The following NDST4 variants were observed in gnomAD, a reference collection of about 807,000 sequenced individuals.
NDST4 encodes N-deacetylase and N-sulfotransferase 4.
NDST4 carries 63 observed loss-of-function variants against 100.8 expected under a neutral mutation model. That is an observed-to-expected ratio of 0.62 (90% CI 0.51 to 0.77). NDST4 has a LOEUF of 0.77. NDST4 is among the 30% of genes least tolerant of loss of function. The pLI is 0.00. For synonymous variants in NDST4, 377 were observed against 361.8 expected (o/e 1.04, Z -0.48); for missense variants, 943 against 1,018.4 (o/e 0.93, Z 1.01).
chr4:115,018,204 G>A (rs895268448), intron 2 of NDST4, among the ~76,000 whole-genome samples: 6 of 151,812 alleles, frequency 4.0e-5, no homozygotes, highest in African/African-American at 1.4e-4. Flanking sequence ...GAAAGCCATT[G>A]AGAACAAAAA....
chr4:114,948,178 G>T (rs1325953011), intron 4 of NDST4, among the ~76,000 whole-genome samples: 1 of 151,866 alleles, frequency 6.6e-6, no homozygotes, highest in Non-Finnish European at 1.5e-5. Context: ...CCCTTACGAG[G>T]CATTTTCCCA....
chr4:114,934,948 C>T (rs929833656), intron 6 of NDST4: 1 of 184,112 alleles, frequency 5.4e-6, no homozygotes, highest in Non-Finnish European at 1.1e-5. Context: ...AACATTGCTA[C>T]TTCTTTACTG....
At chr4:115,010,080 T>C (rs1304436611) in intron 2 of NDST4, among the ~76,000 whole-genome samples, 1 of 120,832 alleles carries the variant, frequency 8.3e-6, no homozygotes, top group Non-Finnish European at 1.7e-5. Context: ...ACTTTTACAC[T>C]GTTGGTGGGA....
In NDST4 at chr4:115,076,039, T is replaced by C. The variant is rs745841913; in HGVS notation, c.978+20A>G. 1.3e-6 allele frequency: 2 copies of C among 1,573,816 alleles called. No individual in the cohort carries two copies. Among genetic ancestry groups the C allele is most frequent in the Non-Finnish European group, 1.7e-6 (2 of 1,162,590 alleles). ...ATATTGTGAAATACAAATTTCGATG[T>C]TGTCTATAAATAAGCTTACCTTCAC... On this transcript the variant is annotated intron_variant, in intron 2 of 13. Coordinates refer to ENST00000264363, the MANE Select transcript of NDST4 (RefSeq NM_022569.3).
intron 2 of NDST4, among the ~76,000 whole-genome samples, chr4:115,017,139 C>T (rs2126263178): frequency 6.6e-6 from 1 of 151,966 alleles, no homozygotes; most frequent in Admixed American, 6.6e-5. Context: ...GTTTCAATTA[C>T]AACTAAGTCA....
Position 114,966,921 on chromosome 4 carries a change from T to C in NDST4, c.1221+3509A>G, listed in dbSNP as rs1336741365. Among the ~76,000 whole-genome samples, 9 of 152,206 alleles carry C rather than the reference T, an allele frequency of 5.9e-5. No individual in the cohort carries two copies. The East Asian group carries it at 1.7e-3, about 29-fold the overall frequency. The stretch of plus-strand genomic sequence containing the variant: ...GTTTAGAGAATGAAAGAGCAAGTCA[T>C]TACTATTTCGAGAGAGGAAAGTGAG... On this transcript the variant is annotated intron_variant, in intron 4 of 13. Coordinates refer to ENST00000264363, the MANE Select transcript of NDST4 (RefSeq NM_022569.3).
At chr4:114,984,092 A>G (rs1412064910) in intron 2 of NDST4, among the ~76,000 whole-genome samples, 1 of 152,022 alleles carries the variant, frequency 6.6e-6, no homozygotes, top group Non-Finnish European at 1.5e-5. Context: ...CTTTCTTTCT[A>G]CATTATTGAG....
At chr4:114,980,076 A>G (rs1268765183) in intron 2 of NDST4, among the ~76,000 whole-genome samples, 1 of 152,178 alleles carries the variant, frequency 6.6e-6, no homozygotes, top group Non-Finnish European at 1.5e-5. Flanking sequence ...AAGTAGAAAG[A>G]TGAAAGAATT....
At chr4:114,904,961 G>A (rs759443387) in intron 6 of NDST4, among the ~76,000 whole-genome samples, 7 of 151,840 alleles carry the variant, frequency 4.6e-5, no homozygotes, top group Non-Finnish European at 1.5e-5. Context: ...GGATTATTGA[G>A]TTAAAAATTT....
At chr4:115,110,788 C>T (rs1354039010) in intron 1 of NDST4, among the ~76,000 whole-genome samples, 1 of 151,826 alleles carries the variant, frequency 6.6e-6, no homozygotes, top group African/African-American at 2.4e-5. Context: ...AAATTTAATT[C>T]TACTTAGAAA....
At chr4:114,844,545 T>C (rs1031293357) in intron 10 of NDST4, among the ~76,000 whole-genome samples, 5 of 152,248 alleles carry the variant, frequency 3.3e-5, no homozygotes, top group South Asian at 2.1e-4. Context: ...AGGGAATATC[T>C]ACTTGTCCTT....
chr4:115,086,647 G>C (rs13104877), intron 1 of NDST4, among the ~76,000 whole-genome samples: 2 of 151,720 alleles, frequency 1.3e-5, no homozygotes, highest in Non-Finnish European at 1.5e-5. Context: ...AGATTATGAA[G>C]TCAACTCAGT....
chr4:114,882,987 A>G (rs1332954001), intron 6 of NDST4, among the ~76,000 whole-genome samples: 4 of 152,082 alleles, frequency 2.6e-5, no homozygotes, highest in Admixed American at 2.0e-4. Context: ...CTGGGATTCT[A>G]TATCCAACAA....
chr4:115,047,331 A>G (rs1175432121), intron 2 of NDST4, among the ~76,000 whole-genome samples: 2 of 152,094 alleles, frequency 1.3e-5, no homozygotes, highest in Non-Finnish European at 2.9e-5. Flanking sequence ...TTTTTACAAT[A>G]TTGTTGATAA....
intron 2 of NDST4, among the ~76,000 whole-genome samples, chr4:114,986,756 T>C (rs1726910558): frequency 7.0e-6 from 1 of 143,806 alleles, no homozygotes; most frequent in Admixed American, 7.0e-5. Context: ...CATTTTTGTT[T>C]ATAATTTAGT....
At chr4:115,055,889 C>T (rs1344223717) in intron 2 of NDST4, among the ~76,000 whole-genome samples, 34 of 152,220 alleles carry the variant, frequency 2.2e-4, no homozygotes, top group South Asian at 8.3e-4. Context: ...ATGTTACTCA[C>T]AGTGTGGGCA....
intron 6 of NDST4, among the ~76,000 whole-genome samples, chr4:114,911,085 A>G (rs1318900965): frequency 6.6e-6 from 1 of 152,180 alleles, no homozygotes; most frequent in African/African-American, 2.4e-5. Context: ...CTAGTCAAAA[A>G]CCTTCCAGTG....
chr4:115,055,090 C>T (rs926098343), intron 2 of NDST4, among the ~76,000 whole-genome samples: 1 of 152,000 alleles, frequency 6.6e-6, no homozygotes, highest in Non-Finnish European at 1.5e-5. Flanking sequence ...GGGCGTGAAC[C>T]CTATTGTAAA....
intron 9 of NDST4, among the ~76,000 whole-genome samples, chr4:114,847,825 C>T (rs548611432): frequency 5.9e-5 from 9 of 152,064 alleles, no homozygotes; most frequent in South Asian, 4.2e-4. Flanking sequence ...ATACATGTCA[C>T]GAATTATAAA....
Sources: gnomAD v4.1 joint callset for allele counts (sites outside exome capture counted in the v4.1 genomes callset) on GRCh38, gnomAD v4.1.1 for gene constraint, MANE v1.5 for transcripts, NCBI Gene and HGNC (gene_info 2026-07-23, HGNC 2026-07-21) for gene names.